The following PCDH15 variants were observed in gnomAD, a reference collection of about 807,000 sequenced individuals.
The protein encoded by PCDH15 is protocadherin-15.
A neutral mutation model predicts 178.5 loss-of-function variants in PCDH15; 129 were observed. The observed-to-expected ratio is 0.72, with a 90% confidence interval of 0.63 to 0.84. The LOEUF (loss-of-function observed/expected upper bound fraction) is 0.84. PCDH15 is among the 40% of genes least tolerant of loss of function. The pLI, the probability that PCDH15 is intolerant of heterozygous loss-of-function variation, is 0.00. For synonymous variants in PCDH15, 800 were observed against 732.0 expected, an observed-to-expected ratio of 1.09 and a Z score of -1.50; for missense variants, 2,230 against 2,099.9, an observed-to-expected ratio of 1.06 and a Z score of -1.21.
intron 15 of PCDH15, among the ~76,000 whole-genome samples, chr10:54,132,159 A>T (rs2042491680): frequency 6.6e-6 from 1 of 152,182 alleles, no homozygotes; most frequent in Admixed American, 6.5e-5. Flanking sequence ...GATTCTTATG[A>T]TTGGCATAGC....
intron 3 of PCDH15, among the ~76,000 whole-genome samples, chr10:54,873,796 T>C (rs1954084881): frequency 6.7e-6 from 1 of 148,216 alleles, no homozygotes; most frequent in African/African-American, 2.5e-5. Context: ...TATATATATA[T>C]GTTGGCTCTA....
At chr10:53,909,454 ATAAAT>A (rs1414135646) in intron 25 of PCDH15, among the ~76,000 whole-genome samples, 1 of 152,222 alleles carries the variant, frequency 6.6e-6, no homozygotes, top group Admixed American at 6.5e-5. Flanking sequence ...CTTAAATAAA[ATAAAT>A]TACTCTATTT....
chr10:54,164,225 GTC>G (rs965223405), intron 13 of PCDH15, among the ~76,000 whole-genome samples: 14 of 152,270 alleles, frequency 9.2e-5, no homozygotes, highest in African/African-American at 3.1e-4. Flanking sequence ...TGTAGGAAAA[GTC>G]TATTTTTTGC....
At chr10:54,249,973 A>G (rs964772074) in intron 8 of PCDH15, among the ~76,000 whole-genome samples, 1 of 151,968 alleles carries the variant, frequency 6.6e-6, no homozygotes, top group Non-Finnish European at 1.5e-5. Context: ...AGGCTTGAGT[A>G]TGATGGTGCA....
intron 2 of PCDH15, among the ~76,000 whole-genome samples, chr10:55,332,476 A>T (rs1844227396): frequency 6.6e-6 from 1 of 152,198 alleles, no homozygotes; most frequent in South Asian, 2.1e-4. Context: ...TCCAATTGAC[A>T]CTAAAAATAT....
intron 3 of PCDH15, among the ~76,000 whole-genome samples, chr10:54,444,616 G>C (rs111741123): frequency 1.3e-5 from 2 of 151,700 alleles, no homozygotes; most frequent in African/African-American, 4.8e-5. Flanking sequence ...CTAACTCTAA[G>C]CTAAAACACT....
intron 3 of PCDH15, among the ~76,000 whole-genome samples, chr10:54,817,163 G>A (rs771238091): frequency 6.6e-6 from 1 of 151,816 alleles, no homozygotes; most frequent in Non-Finnish European, 1.5e-5. Flanking sequence ...TACATTAAGA[G>A]AAATTTTCAG....
chr10:54,897,460 G>A (rs2131821970), exon 3 of PCDH15: 1 of 152,178 alleles, frequency 6.6e-6, no homozygotes, highest in South Asian at 2.1e-4. Context: ...CTTATTTGCA[G>A]GTCTTTGGAA....
intron 3 of PCDH15, among the ~76,000 whole-genome samples, chr10:54,893,333 T>C (rs1954495670): frequency 6.6e-6 from 1 of 152,124 alleles, no homozygotes; most frequent in African/African-American, 2.4e-5. Flanking sequence ...CATAAATGTT[T>C]ATGTGATTAC....
chr10:54,171,784 C>T (rs963861823), intron 13 of PCDH15, among the ~76,000 whole-genome samples: 1 of 151,990 alleles, frequency 6.6e-6, no homozygotes, highest in Non-Finnish European at 1.5e-5. Context: ...TTTAGTTTCT[C>T]AATTCATCCA....
chr10:54,301,133 G>T (rs574951217), intron 8 of PCDH15, among the ~76,000 whole-genome samples: 3 of 149,600 alleles, frequency 2.0e-5, no homozygotes, highest in Admixed American at 6.7e-5. Context: ...ATCTTTAAGA[G>T]CTGTAACACT....
At chr10:54,342,921 C>A (rs897510936) in intron 6 of PCDH15, among the ~76,000 whole-genome samples, 1 of 152,180 alleles carries the variant, frequency 6.6e-6, no homozygotes, top group Non-Finnish European at 1.5e-5. Context: ...TTCTCACATA[C>A]AGAATGGGTG....
chr10:54,762,832 T>C (rs1186902073), intron 1 of PCDH15, among the ~76,000 whole-genome samples: 2 of 152,212 alleles, frequency 1.3e-5, no homozygotes, highest in African/African-American at 2.4e-5. Context: ...ATTGCATTCA[T>C]ACATTTGAAC....
At chr10:55,507,189 C>T (rs1840776660) in intron 2 of PCDH15, among the ~76,000 whole-genome samples, 1 of 151,518 alleles carries the variant, frequency 6.6e-6, no homozygotes, top group East Asian at 1.9e-4. Context: ...AAAGCGCATG[C>T]AAAGCATTTG....
intron 2 of PCDH15, among the ~76,000 whole-genome samples, chr10:55,141,272 A>G (rs549771766): frequency 3.2e-4 from 49 of 152,162 alleles, no homozygotes; most frequent in African/African-American, 1.0e-3. Context: ...CTAATGCTCA[A>G]ATAAGCCTAA....
At chr10:53,909,093 C>G (rs1227860936) in intron 25 of PCDH15, among the ~76,000 whole-genome samples, 14 of 152,134 alleles carry the variant, frequency 9.2e-5, no homozygotes, top group Admixed American at 9.2e-4. Flanking sequence ...ACGGAAGAAC[C>G]TGGTGGGAGG....
At chr10:55,000,653 C>T (rs187989829) in intron 2 of PCDH15, among the ~76,000 whole-genome samples, 240 of 152,248 alleles carry the variant, frequency 1.6e-3, no homozygotes, top group Non-Finnish European at 3.1e-3. Context: ...ATGAAATCTT[C>T]ACAATTTATG....
At chr10:54,114,772 T>C (rs1027530807) in intron 15 of PCDH15, among the ~76,000 whole-genome samples, 25 of 152,118 alleles carry the variant, frequency 1.6e-4, no homozygotes, top group Non-Finnish European at 3.7e-4. Context: ...AAGGAGCCTT[T>C]CAGGTAGTGG....
chr10:54,042,118 G>A (rs955785061), intron 18 of PCDH15, among the ~76,000 whole-genome samples: 4 of 152,044 alleles, frequency 2.6e-5, no homozygotes, highest in African/African-American at 9.7e-5. Context: ...ATGGCACGAA[G>A]CAGCTTTCTA....
Sources: gnomAD v4.1 joint callset for allele counts (sites outside exome capture counted in the v4.1 genomes callset) on GRCh38, gnomAD v4.1.1 for gene constraint, MANE v1.5 for transcripts, NCBI Gene and HGNC (gene_info 2026-07-23, HGNC 2026-07-21) for gene names.